The following EMC1 variants were observed in gnomAD, a reference collection of about 807,000 sequenced individuals.
EMC1 encodes KIAA0090.
EMC1 carries 103 observed loss-of-function variants against 128.8 expected under a neutral mutation model. That is an observed-to-expected ratio of 0.80 (90% CI 0.68 to 0.94). EMC1 has a LOEUF of 0.94. EMC1 is among the 40% of genes least tolerant of loss of function. The probability of loss-of-function intolerance (pLI) is 0.00; values close to 1 mark genes in which losing one functional copy is unlikely to be tolerated. For synonymous variants in EMC1, 442 were observed against 490.4 expected (o/e 0.90, Z 1.30); for missense variants, 1,083 against 1,250.6 (o/e 0.87, Z 2.02).
chr1:19,239,922 C>T lies in EMC1; in HGVS notation c.850G>A (p.Val284Met), dbSNP rs771525883. 26 of 1,613,936 alleles carry T rather than the reference C, an allele frequency of 1.6e-5. No individual in the cohort carries two copies. Among genetic ancestry groups the T allele is most frequent in the Admixed American group, 3.3e-5 (2 of 59,984 alleles). ...AAGAACTGGGCCCGGGAAGCGTCCA[C>T]TGGGTTGGGCTGGGTAGGCAGGACC... ...PRVLPTQPNP[V>M]DASRAQFFLH... The change falls in exon 8 of 23, where the codon GTG (valine) becomes ATG (methionine). Residue 284 changes from valine to methionine, a missense_variant. Physicochemically the swap from Val to Met is conservative, Grantham distance 21 (BLOSUM62 1). This residue lies in a region of EMC1 where 544 missense variants were observed against 572.4 expected (regional missense o/e 0.95). Coordinates refer to ENST00000477853, the MANE Select transcript of EMC1 (RefSeq NM_015047.3).
At chr1:19,240,957 A>C (rs1008255892) in intron 6 of EMC1, 59 bp downstream of exon 6, 7 of 1,584,956 alleles carry the variant, frequency 4.4e-6, no homozygotes, top group Non-Finnish European at 6.0e-6. Flanking sequence ...AGTACAAAGA[A>C]ATCTATCAAG....
chr1:19,230,569 CAA>C (rs368900596), intron 17 of EMC1, among the ~76,000 whole-genome samples: 2 of 141,420 alleles, frequency 1.4e-5, no homozygotes. Context: ...GACTCCATCT[CAA>C]AAAAAAAAAG....
intron 15 of EMC1, 128 bp from the exon 16 acceptor site, chr1:19,231,550 A>AGACT: frequency 2.0e-6 from 2 of 999,738 alleles, no homozygotes; most frequent in Non-Finnish European, 2.9e-6. Flanking sequence ...CTTTGTGGAA[A>AGACT]ATAAGTTCTT....
rs200921330 is a variant in EMC1 at position 19,232,947 on chromosome 1, C to A, written c.1621G>T (p.Ala541Ser). Reference sequence around the variant, plus strand: ...TAAACCCCACTCACCTTGCCTGAGGCTGTTACCATCACCATCATCTTCTGG... The same window carrying A: ...TAAACCCCACTCACCTTGCCTGAGGATGTTACCATCACCATCATCTTCTGG... ...NLQKMMVMVT[A>S]SGKLFGIESS... The change falls in exon 14 of 23, where the codon GCC becomes TCC. Residue 541 changes from alanine to serine, a missense_variant. By Grantham distance (99) the Ala-to-Ser change is moderately conservative. Coordinates refer to ENST00000477853, the MANE Select transcript of EMC1 (RefSeq NM_015047.3). 7 of 1,613,954 alleles carry A rather than the reference C, an allele frequency of 4.3e-6. No homozygotes were observed. The highest frequency in any genetic ancestry group is 1.3e-5 in the African/African-American group (1 of 74,920).
intron 4 of EMC1, among the ~76,000 whole-genome samples, chr1:19,242,933 C>G (rs2093614733): frequency 6.6e-6 from 1 of 152,172 alleles, no homozygotes; most frequent in Non-Finnish European, 1.5e-5. Context: ...TACAAATGAC[C>G]CTATCATTTG....
At chr1:19,237,678 A>G (rs710881) in intron 11 of EMC1, among the ~76,000 whole-genome samples, 7,308 of 152,222 alleles carry the variant, frequency 0.048, 570 homozygotes, top group African/African-American at 0.16. Flanking sequence ...GACACCTCTT[A>G]CTGGCTCCGT....
chr1:19,232,554 A>T, intron 15 of EMC1, 70 bp downstream of exon 15: 1 of 1,556,392 alleles, frequency 6.4e-7, no homozygotes, highest in Non-Finnish European at 8.8e-7. Flanking sequence ...AGGGCCTAGG[A>T]GCAATTTAAG....
Position 19,216,155 on chromosome 1 carries a change from T to C in EMC1, c.*3148A>G, listed in dbSNP as rs2093390818. 2 of 151,490 alleles carry C rather than the reference T, an allele frequency of 1.3e-5. No individual in the cohort carries two copies. The highest frequency in any genetic ancestry group is 1.3e-4 in the Admixed American group (2 of 15,172). The allele number at this position is 151,490 out of a possible 1,614,324, so 9.4% of individuals were successfully genotyped here. A position where few individuals can be genotyped will look rare whatever the true frequency, so the allele number is the denominator to read the frequency against. ...GGGAGGCTAAGGAGGGAGGATCACT[T>C]CAGCCCAGGTGTTCGAGGCTGCAGT... On this transcript the variant is annotated 3_prime_UTR_variant, in exon 23 of 23. Coordinates refer to ENST00000477853, the MANE Select transcript of EMC1 (RefSeq NM_015047.3).
intron 13 of EMC1, 87 bp from the exon 14 acceptor site, chr1:19,233,222 T>A: frequency 8.4e-7 from 1 of 1,188,086 alleles, no homozygotes; most frequent in Admixed American, 2.1e-5. Context: ...GATCTCTGCC[T>A]CTCCTCTGGA....
At chr1:19,244,630 C>T in intron 2 of EMC1, 2 of 314,658 alleles carry the variant, frequency 6.4e-6, no homozygotes, top group Non-Finnish European at 1.2e-5. Context: ...GTCTCGAACT[C>T]CTGAGCTCAA....
chr1:19,230,006 A>G (rs1420851829), intron 17 of EMC1, among the ~76,000 whole-genome samples: 1 of 152,242 alleles, frequency 6.6e-6, no homozygotes, highest in Non-Finnish European at 1.5e-5. Flanking sequence ...GTACTTCTCC[A>G]AACAGTCCTG....
chr1:19,220,155 C>T (rs2093420482), intron 21 of EMC1: 1 of 169,150 alleles, frequency 5.9e-6, no homozygotes, highest in South Asian at 1.5e-4. Flanking sequence ...CTCCATTCCT[C>T]ATGCCCCTAG....
rs769341625 is a variant in EMC1 at position 19,222,855 on chromosome 1, A to G, written c.2377-21T>C. 1.2e-5 allele frequency: 19 copies of G among 1,570,928 alleles called. No homozygotes were observed. In the South Asian group the frequency reaches 1.8e-4, roughly 15 times the overall value. On this transcript the variant is annotated intron_variant, in intron 19 of 22. Transcript: ENST00000477853. ...TGGTACTGCAGGGATAGGAGGTGGC[A>G]GCTCAGGGCTTAGCAGCTGCTTCAA...
chr1:19,231,132 C>A, intron 16 of EMC1, 129 bp downstream of exon 16: 1 of 1,323,652 alleles, frequency 7.6e-7, no homozygotes, highest in Non-Finnish European at 1.0e-6. Context: ...CATTTCTCTT[C>A]GGGATGGCCT....
At position 19,219,352 on chromosome 1, in the gene EMC1, AT is replaced by A; in HGVS notation, c.2932del (p.Ile978SerfsTer8). ...CTTCACCTGTGCCAGTCTCTTAGTG[AT>A]CATGGTGGCAAAAACCAGGCCAAAG... ...VLFGLVFATM[I>X]TKRLAQVKLL... On this transcript the variant is annotated frameshift_variant, in exon 23 of 23. Transcript: ENST00000477853. LOFTEE classifies it high-confidence loss of function. The A allele has an allele frequency of 6.2e-7, 1 of 1,614,102 alleles. No homozygotes were observed. Among genetic ancestry groups the A allele is most frequent in the East Asian group, 2.2e-5 (1 of 44,864 alleles).
chr1:19,237,111 T>TA (rs777212406), intron 12 of EMC1, 31 bp downstream of exon 12: 180 of 1,519,846 alleles, frequency 1.2e-4, no homozygotes, highest in East Asian at 2.0e-4. Flanking sequence ...CCTGGGGAAA[T>TA]AAAAAAATGG....
In EMC1 at chr1:19,238,017, C is replaced by G; in HGVS notation, c.1212G>C (p.Arg404=). The change falls in exon 11 of 23, where the codon CGG becomes CGC. Residue 404 remains arginine (R), a splice_region_variant and synonymous_variant. Transcript: ENST00000477853. ...SLEQSGTRPE[R]LYIQVFLKKD... ...TCTGCAAAGAAAGGCTCTGCCTTAC[C>G]CGCTCAGGCCGAGTGCCGCTCTGTT... is the stretch of plus-strand genomic sequence containing the variant. The G allele has an allele frequency of 6.2e-7, 1 of 1,613,326 alleles. No homozygotes were observed. The highest frequency in any genetic ancestry group is 8.5e-7 in the Non-Finnish European group (1 of 1,179,738).
intron 4 of EMC1, among the ~76,000 whole-genome samples, chr1:19,243,257 A>G: frequency 6.6e-6 from 1 of 152,278 alleles, no homozygotes; most frequent in Non-Finnish European, 1.5e-5. Flanking sequence ...AAATAAAAAT[A>G]AACAACTTTA....
intron 18 of EMC1, among the ~76,000 whole-genome samples, chr1:19,226,734 GT>G (rs968836465): frequency 8.6e-4 from 120 of 139,822 alleles, no homozygotes; most frequent in East Asian, 5.9e-3. Context: ...TGTTTTTTTT[GT>G]TTTTTTTTTT....
Sources: allele counts gnomAD v4.1 joint callset (sites outside exome capture counted in the v4.1 genomes callset), GRCh38; gene constraint gnomAD v4.1.1; regional missense constraint gnomAD v4.1.1; transcripts MANE v1.5; gene names NCBI Gene and HGNC (gene_info 2026-07-23, HGNC 2026-07-21).